Variants in TUBD1 observed in about 807,000 individuals in gnomAD.
TUBD1 encodes the protein tubulin delta 1, also known as tubulin delta chain.
A neutral mutation model predicts 51.2 loss-of-function variants in TUBD1; 38 were observed. That is an observed-to-expected ratio of 0.74 (90% CI 0.57 to 0.97). The LOEUF (loss-of-function observed/expected upper bound fraction) is 0.97. Among genes scored for constraint, TUBD1 ranks in the 50% least tolerant of loss-of-function variants. The pLI is 0.00. For missense variants in TUBD1, 489 were observed against 538.4 expected (o/e 0.91, Z 0.91); for synonymous variants, 169 against 178.2 (o/e 0.95, Z 0.41).
intron 6 of TUBD1, among the ~76,000 whole-genome samples, chr17:59,869,322 A>G: frequency 6.6e-6 from 1 of 151,496 alleles, no homozygotes; most frequent in East Asian, 1.9e-4. Flanking sequence ...AAAAAAATAC[A>G]AAAATTAGAC....
intron 6 of TUBD1, 75 bp from the exon 7 acceptor site, chr17:59,866,824 C>T (rs922236243): frequency 1.6e-5 from 21 of 1,322,172 alleles, no homozygotes; most frequent in Non-Finnish European, 2.1e-5. Flanking sequence ...CACTCTGTTG[C>T]CCAGGCTGGA....
chr17:59,877,320 A>G (rs541860580), intron 5 of TUBD1, among the ~76,000 whole-genome samples: 1 of 152,230 alleles, frequency 6.6e-6, no homozygotes, highest in Non-Finnish European at 1.5e-5. Flanking sequence ...CACATGGCAG[A>G]CTCGGACCTC....
rs1404037992 is a variant in TUBD1, at chr17:59,885,627, C to A, written c.320+456G>T. Reference sequence around the variant, plus strand: ...CCTAGAAATTTAACCTTAATGAAATCCCTAATAAAACTCAGTGCTGTGGTT... The same window carrying A: ...CCTAGAAATTTAACCTTAATGAAATACCTAATAAAACTCAGTGCTGTGGTT... On this transcript the variant is annotated intron_variant, in intron 3 of 8. Coordinates refer to ENST00000325752, the MANE Select transcript of TUBD1 (RefSeq NM_016261.4). 3 of 818,144 alleles carry A rather than the reference C, an allele frequency of 3.7e-6. No individual in the cohort carries two copies. In the African/African-American group the frequency reaches 5.2e-5, roughly 14 times the overall value. 50.7% of individuals were successfully genotyped at this position (818,144 alleles called of 1,614,324 possible).
chr17:59,866,614 T>A lies in TUBD1; in HGVS notation c.1070A>T (p.Asp357Val), dbSNP rs1003550679. Residue 357 changes from aspartate to valine, a missense_variant, in exon 7 of 9, where the codon GAT becomes GTT. Transcript: ENST00000325752. The stretch of plus-strand genomic sequence containing the variant: ...TTTTCACCTGAATTTCTTACCCACA[T>A]CTGCACTTTGCACATCTTTCCCACG... ...ILRGKDVQSA[D>V]VEGFKDPALY... is the part of the protein sequence containing the mutation. 1.9e-6 allele frequency: 3 copies of A among 1,613,982 alleles called. No homozygotes were observed. Among genetic ancestry groups the A allele is most frequent in the Non-Finnish European group, 2.5e-6 (3 of 1,179,976 alleles).
chr17:59,881,447 G>T (rs2040484854), intron 3 of TUBD1, among the ~76,000 whole-genome samples: 1 of 152,168 alleles, frequency 6.6e-6, no homozygotes, highest in South Asian at 2.1e-4. Context: ...AGGCGAACAG[G>T]ACTGCTAGCA....
At chr17:59,880,436 T>C (rs1598552548) in intron 4 of TUBD1, among the ~76,000 whole-genome samples, 1 of 152,198 alleles carries the variant, frequency 6.6e-6, no homozygotes, top group Non-Finnish European at 1.5e-5. Context: ...ATATATAATA[T>C]GGTACTCATA....
intron 2 of TUBD1, among the ~76,000 whole-genome samples, chr17:59,888,444 C>G (rs770412058): frequency 2.0e-5 from 3 of 152,108 alleles, no homozygotes; most frequent in Non-Finnish European, 2.9e-5. Context: ...GGTATGTATG[C>G]AGCAAGAGCA....
chr17:59,869,431 C>A (rs1236836671), intron 6 of TUBD1, among the ~76,000 whole-genome samples: 1 of 151,234 alleles, frequency 6.6e-6, no homozygotes, highest in Non-Finnish European at 1.5e-5. Context: ...GCCAAGATCG[C>A]GCCACTGCAC....
rs2040320632 is a variant in TUBD1, at chr17:59,878,329, A to G, written c.543T>C (p.Ile181=). 1 of 1,609,890 alleles carries G rather than the reference A, an allele frequency of 6.2e-7. No homozygotes were observed. The highest frequency in any genetic ancestry group is 8.5e-7 in the Non-Finnish European group (1 of 1,176,178). Residue 181 remains isoleucine, a synonymous_variant, in exon 5 of 9, where the codon ATT becomes ATC. Coordinates refer to ENST00000325752, the MANE Select transcript of TUBD1 (RefSeq NM_016261.4). ...TCAAAATGGAGTTGTAGTTTTGAAC[A>G]ATAACCTGGAGAGGAAAAGGTCAGA... ...IIWPYGTGEV[I]VQNYNSILTL... is the part of the protein sequence containing the mutation.
chr17:59,871,391 G>C (rs2039976060), intron 6 of TUBD1, among the ~76,000 whole-genome samples: 1 of 152,024 alleles, frequency 6.6e-6, no homozygotes, highest in Admixed American at 6.6e-5. Flanking sequence ...AGTAGAGACG[G>C]GGTTTCACCA....
At position 59,880,953 on chromosome 17, in the gene TUBD1, C is replaced by G. The variant is rs750990553; in HGVS notation, c.478G>C (p.Asp160His). The G allele has an allele frequency of 6.2e-7, 1 of 1,614,124 alleles. No homozygotes were observed. The change falls in exon 4 of 9, where the codon GAT becomes CAT. Residue 160 changes from aspartate (D) to histidine (H), a missense_variant. By Grantham distance (81) the Asp-to-His change is moderately conservative. Coordinates refer to ENST00000325752, the MANE Select transcript of TUBD1 (RefSeq NM_016261.4). ...LGAFVTQNLE[D>H]QYSNSLKMNQ... ...ATTTTCAATGAGTTTGAGTACTGAT[C>G]TTCTAAATTCTGTGTAACGAAAGCT...
At chr17:59,882,793 T>C (rs1044624892) in intron 3 of TUBD1, among the ~76,000 whole-genome samples, 6 of 151,978 alleles carry the variant, frequency 3.9e-5, no homozygotes, top group Admixed American at 2.0e-4. Flanking sequence ...TTCTTTCTTT[T>C]TTTTTTTTTG....
At chr17:59,882,304 G>A (rs1262683032) in intron 3 of TUBD1, among the ~76,000 whole-genome samples, 1 of 151,628 alleles carries the variant, frequency 6.6e-6, no homozygotes, top group African/African-American at 2.4e-5. Flanking sequence ...TGTTTTTTGA[G>A]GCGGAGTCTC....
intron 6 of TUBD1, among the ~76,000 whole-genome samples, chr17:59,869,427 A>T (rs541122863): frequency 1.3e-4 from 19 of 151,628 alleles, no homozygotes; most frequent in Non-Finnish European, 2.2e-4. Context: ...GTGAGCCAAG[A>T]TCGCGCCACT....
In TUBD1 at chr17:59,863,829, G is replaced by A; in HGVS notation, c.1094C>T (p.Ala365Val). 1.3e-6 allele frequency: 2 copies of A among 1,559,684 alleles called. No homozygotes were observed. Among genetic ancestry groups the A allele is most frequent in the Non-Finnish European group, 1.7e-6 (2 of 1,159,822 alleles). Reference protein sequence around the residue: ...SADVEGFKDPALYTSWLKPVN... With the variant: ...SADVEGFKDPVLYTSWLKPVN... ...AGGCTTCAACCAGGAAGTATACAGA[G>A]CTGGATCTTTAAATCCCTCTAGAGT... The change falls in exon 8 of 9, where the codon GCT becomes GTT. Residue 365 changes from alanine to valine, a missense_variant. Ala to Val is a moderately conservative substitution (Grantham distance 64, BLOSUM62 0). Coordinates refer to ENST00000325752, the MANE Select transcript of TUBD1 (RefSeq NM_016261.4).
intron 2 of TUBD1, among the ~76,000 whole-genome samples, chr17:59,886,777 G>A (rs534281690): frequency 1.3e-5 from 2 of 152,070 alleles, no homozygotes; most frequent in South Asian, 2.1e-4. Context: ...GAGGCTGGGC[G>A]TGGTGGCTCA....
intron 2 of TUBD1, among the ~76,000 whole-genome samples, chr17:59,889,010 CTTTTTTTTTTTTT>C (rs756097623): frequency 1.3e-4 from 7 of 55,778 alleles, no homozygotes; most frequent in Non-Finnish European, 1.9e-4. Context: ...CCATGCCTGG[CTTTTTTTTTTTTT>C]TTTTTTTTTT....
chr17:59,878,594 G>C, intron 4 of TUBD1: 1 of 343,146 alleles, frequency 2.9e-6, no homozygotes, highest in Non-Finnish European at 5.4e-6. Flanking sequence ...AGATTCTTGT[G>C]TCTCAGCCCC....
In TUBD1 at chr17:59,879,458, CAG is replaced by C. The variant is rs1275589968; in HGVS notation, c.538-1126_538-1125del. On this transcript the variant is annotated intron_variant, in intron 4 of 8. Transcript: ENST00000325752. ...CATCTTCTCTGACTTTTTTTTGAAACAGAGTCTTGCTCTGTGGCCCAGGCTGG... is the reference window on the plus strand; with the variant it reads ...CATCTTCTCTGACTTTTTTTTGAAACAGTCTTGCTCTGTGGCCCAGGCTGG... 4.6e-5 allele frequency among the ~76,000 whole-genome samples: 7 copies of C among 151,996 alleles called. No homozygotes were observed. The East Asian group carries it at 1.2e-3, about 25-fold the overall frequency.
Sources: gnomAD v4.1 joint callset for allele counts (sites outside exome capture counted in the v4.1 genomes callset) on GRCh38, gnomAD v4.1.1 for gene constraint, MANE v1.5 for transcripts, NCBI Gene and HGNC (gene_info 2026-07-23, HGNC 2026-07-21) for gene names.